The following EIF2S1 variants were observed in gnomAD, a reference collection of about 807,000 sequenced individuals.
EIF2S1 encodes eukaryotic translation initiation factor 2 subunit alpha.
Under a neutral mutation model 33.5 loss-of-function variants are expected in EIF2S1, and 5 were observed. The ratio of observed to expected loss-of-function variants is 0.15; its 90% confidence interval spans 0.08 to 0.31. The LOEUF (loss-of-function observed/expected upper bound fraction) is 0.31. EIF2S1 is among the 10% of genes least tolerant of loss of function. EIF2S1 has a pLI of 1.00. For missense variants in EIF2S1, 191 were observed against 384.6 expected, an observed-to-expected ratio of 0.50 and a Z score of 4.21; for synonymous variants, 99 against 127.5, an observed-to-expected ratio of 0.78 and a Z score of 1.51.
At chr14:67,367,149 C>G (rs72719108) in intron 2 of EIF2S1, among the ~76,000 whole-genome samples, 4,610 of 152,282 alleles carry the variant, frequency 0.03, 86 homozygotes, top group Non-Finnish European at 0.036. Context: ...AAAATCTGAA[C>G]AGATTTCAGT....
chr14:67,364,672 T>C, intron 1 of EIF2S1, 95 bp from the exon 2 acceptor site: 1 of 1,273,474 alleles, frequency 7.9e-7, no homozygotes, highest in Non-Finnish European at 1.1e-6. Context: ...ATTTTTTTCT[T>C]CATCTTTTCT....
intron 7 of EIF2S1, 41 bp from the exon 8 acceptor site, chr14:67,383,274 A>G (rs772567179): frequency 6.2e-7 from 1 of 1,603,850 alleles, no homozygotes; most frequent in South Asian, 1.1e-5. Flanking sequence ...TTTGTATAGT[A>G]TTTACTACTT....
At chr14:67,376,279 A>C (rs1179221932) in intron 3 of EIF2S1, among the ~76,000 whole-genome samples, 160 bp from the exon 4 acceptor site, 4 of 152,188 alleles carry the variant, frequency 2.6e-5, no homozygotes, top group African/African-American at 9.6e-5. Context: ...ATTGTATACT[A>C]TCTCTACTTT....
At chr14:67,366,915 G>C (rs566758040) in intron 2 of EIF2S1, among the ~76,000 whole-genome samples, 1 of 146,008 alleles carries the variant, frequency 6.8e-6, no homozygotes, top group South Asian at 2.1e-4. Context: ...AGGCAGCTAA[G>C]GTTCTAGCAG....
Position 67,385,633 on chromosome 14 carries a change from A to C in EIF2S1, c.*2193A>C. 1 of 151,046 alleles carries C rather than the reference A, an allele frequency of 6.6e-6. No individual in the cohort carries two copies. Among genetic ancestry groups the C allele is most frequent in the South Asian group, 2.1e-4 (1 of 4,790 alleles). 9.4% of individuals were successfully genotyped at this position (151,046 alleles called of 1,614,324 possible). The stretch of plus-strand genomic sequence containing the variant: ...GAAAATCAGTAATGGCCAGGAAGAA[A>C]TATGAATATTCAAACCACTTTTTTC... On this transcript the variant is annotated 3_prime_UTR_variant, in exon 8 of 8. Transcript: ENST00000256383.
chr14:67,385,452 A>C lies in EIF2S1; in HGVS notation c.*2012A>C, dbSNP rs1427125407. ...AAGACCCTGTCTCAAAAAAAAAAAA[A>C]AAAACCAAAAATCTTGAATCTCCCA... On this transcript the variant is annotated 3_prime_UTR_variant, in exon 8 of 8. Coordinates refer to ENST00000256383, the MANE Select transcript of EIF2S1 (RefSeq NM_004094.5). The C allele has an allele frequency of 6.6e-6, 1 of 151,746 alleles. No homozygotes were observed. Among genetic ancestry groups the C allele is most frequent in the South Asian group, 2.1e-4 (1 of 4,802 alleles). The allele number at this position is 151,746 out of a possible 1,614,324, so 9.4% of individuals were successfully genotyped here. A position where few individuals can be genotyped will look rare whatever the true frequency, so the allele number is the denominator to read the frequency against.
In EIF2S1 at chr14:67,364,752, T is replaced by C. The variant is rs2085763453; in HGVS notation, c.-1-15T>C. On this transcript the variant is annotated splice_polypyrimidine_tract_variant and intron_variant, in intron 1 of 7. Transcript: ENST00000256383. ...TTAACTGAATACTTACTTAATTCTT[T>C]TGTTTAAATTGCAGAATGCCGGGTC... 1.9e-6 allele frequency: 3 copies of C among 1,604,998 alleles called. No individual in the cohort carries two copies. The highest frequency in any genetic ancestry group is 2.6e-6 in the Non-Finnish European group (3 of 1,174,022).
chr14:67,362,707 C>T (rs2085750985), intron 1 of EIF2S1, among the ~76,000 whole-genome samples: 1 of 151,964 alleles, frequency 6.6e-6, no homozygotes, highest in Non-Finnish European at 1.5e-5. Flanking sequence ...GAGGTGAAGT[C>T]ACCTAGTGTG....
intron 4 of EIF2S1, among the ~76,000 whole-genome samples, 181 bp from the exon 5 acceptor site, chr14:67,380,474 TAATC>T (rs1479021898): frequency 6.6e-6 from 1 of 152,222 alleles, no homozygotes; most frequent in Non-Finnish European, 1.5e-5. Flanking sequence ...ATTTCACTAA[TAATC>T]AGTTGGGGTG....
intron 7 of EIF2S1, 79 bp from the exon 8 acceptor site, chr14:67,383,236 A>C: frequency 6.8e-7 from 1 of 1,479,948 alleles, no homozygotes; most frequent in Non-Finnish European, 9.2e-7. Flanking sequence ...GAGAGAAAAC[A>C]TTAGGCAGTA....
At chr14:67,371,139 G>T (rs2085818071) in intron 2 of EIF2S1, among the ~76,000 whole-genome samples, 1 of 152,152 alleles carries the variant, frequency 6.6e-6, no homozygotes, top group South Asian at 2.1e-4. Flanking sequence ...GGTAGGCCAG[G>T]CACGGTGGCT....
rs200883012 is a variant in EIF2S1 at position 67,381,636 on chromosome 14, A to G, written c.624A>G (p.Val208=). The G allele has an allele frequency of 6.2e-7, 1 of 1,613,634 alleles. No individual in the cohort carries two copies. Among genetic ancestry groups the G allele is most frequent in the African/African-American group, 1.3e-5 (1 of 74,928 alleles). ...ACYGYEGIDA[V]KEALRAGLNC... is the part of the protein sequence containing the mutation. ...ATGGTTATGAAGGCATTGATGCTGT[A>G]AAAGAAGCCCTAAGAGCAGGTTTGA... Residue 208 remains valine, a synonymous_variant, in exon 6 of 8, where the codon GTA becomes GTG. Transcript: ENST00000256383.
chr14:67,373,842 A>T (rs1274066456), intron 2 of EIF2S1, among the ~76,000 whole-genome samples: 3 of 145,686 alleles, frequency 2.1e-5, no homozygotes, highest in Non-Finnish European at 4.6e-5. Flanking sequence ...TAATTTGTTC[A>T]GTGTGTGTGT....
rs897072231 is a variant in EIF2S1, at chr14:67,380,433, T to G, written c.474-226T>G. 5.8e-4 allele frequency among the ~76,000 whole-genome samples: 88 copies of G among 152,328 alleles called. 1 individual carries two copies. Among genetic ancestry groups the G allele is most frequent in the Non-Finnish European group, 1.1e-3 (78 of 68,028 alleles). ...ATATCAGATGTGTTAGGCATTAAAT[T>G]GCTTGTTTTAGTCAGATCACTAAAA... On this transcript the variant is annotated intron_variant, in intron 4 of 7. Transcript: ENST00000256383.
At chr14:67,382,108 G>C (rs1444226861) in intron 6 of EIF2S1, among the ~76,000 whole-genome samples, 3 of 152,034 alleles carry the variant, frequency 2.0e-5, no homozygotes, top group African/African-American at 7.2e-5. Context: ...TCTTCCATCA[G>C]TTTAGTTCAG....
In EIF2S1 at chr14:67,383,379, A is replaced by T; in HGVS notation, c.887A>T (p.Glu296Val). 6.2e-7 allele frequency: 1 copy of T among 1,613,760 alleles called. No homozygotes were observed. The highest frequency in any genetic ancestry group is 2.2e-5 in the East Asian group (1 of 44,876). ...LARQMERLER[E>V]NAEVDGDDDA... ...AGGCAGATGGAGAGGCTTGAAAGAG[A>T]AAATGCCGAAGTGGATGGAGATGAT... Residue 296 changes from glutamate to valine, a missense_variant, in exon 8 of 8, where the codon GAA (glutamate) becomes GTA (valine). Coordinates refer to ENST00000256383, the MANE Select transcript of EIF2S1 (RefSeq NM_004094.5).
Position 67,374,454 on chromosome 14 carries a change from A to G in EIF2S1, c.242-14A>G. The stretch of plus-strand genomic sequence containing the variant: ...TCTGGACAGAGATGATTTTTTCACA[A>G]TTTTTTTGTACAGGATATATTGATT... On this transcript the variant is annotated splice_polypyrimidine_tract_variant and intron_variant, in intron 2 of 7. Coordinates refer to ENST00000256383, the MANE Select transcript of EIF2S1 (RefSeq NM_004094.5). The G allele has an allele frequency of 3.8e-6, 6 of 1,562,012 alleles. No homozygotes were observed. The highest frequency in any genetic ancestry group is 5.2e-6 in the Non-Finnish European group (6 of 1,144,868).
At chr14:67,381,533 C>T in intron 5 of EIF2S1, 60 bp from the exon 6 acceptor site, 1 of 1,371,672 alleles carries the variant, frequency 7.3e-7, no homozygotes, top group Non-Finnish European at 1.0e-6. Flanking sequence ...GTTTGATTTC[C>T]TTTAAACTTT....
chr14:67,364,721 TTC>T, intron 1 of EIF2S1, 44 bp from the exon 2 acceptor site: 1 of 1,534,254 alleles, frequency 6.5e-7, no homozygotes. Context: ...TTTTTTTATT[TTC>T]ACCTTAACTG....
Sources: allele counts gnomAD v4.1 joint callset (sites outside exome capture counted in the v4.1 genomes callset), GRCh38; gene constraint gnomAD v4.1.1; transcripts MANE v1.5; gene names NCBI Gene and HGNC (gene_info 2026-07-23, HGNC 2026-07-21).